The following NHSL1 variants were observed in gnomAD, a reference collection of about 807,000 sequenced individuals.
NHSL1 encodes NHS-like protein 1.
In NHSL1, 48 loss-of-function variants were observed where a neutral mutation model predicts 95.0. That is an observed-to-expected ratio of 0.51 (90% confidence interval 0.40 to 0.64). The LOEUF (loss-of-function observed/expected upper bound fraction) is 0.64, where lower values mean the gene tolerates loss of function less well. Among genes scored for constraint, NHSL1 ranks in the 30% least tolerant of loss-of-function variants. NHSL1 has a pLI of 0.00. For missense variants in NHSL1, 1,971 were observed against 2,077.7 expected, an observed-to-expected ratio of 0.95 and a Z score of 1.00; for synonymous variants, 783 against 833.9, an observed-to-expected ratio of 0.94 and a Z score of 1.05.
intron 5 of NHSL1, among the ~76,000 whole-genome samples, chr6:138,435,477 G>C (rs9402973): frequency 0.77 from 116,579 of 152,028 alleles, 44,838 homozygotes; most frequent in East Asian, 0.91. Context: ...TCACCCTCTA[G>C]AGCTAAGTAT....
intron 3 of NHSL1, among the ~76,000 whole-genome samples, chr6:138,469,173 G>A (rs1203906582): frequency 2.0e-5 from 3 of 152,074 alleles, no homozygotes; most frequent in Non-Finnish European, 4.4e-5. Flanking sequence ...TTGGACTCAG[G>A]GCAAATATTT....
intron 2 of NHSL1, among the ~76,000 whole-genome samples, chr6:138,482,098 C>A (rs1317869851): frequency 6.6e-6 from 1 of 152,160 alleles, no homozygotes; most frequent in Non-Finnish European, 1.5e-5. Flanking sequence ...AACTATCACC[C>A]TGGTGTCAGG....
At chr6:138,577,173 T>C (rs1177155447), upstream of NHSL1, among the ~76,000 whole-genome samples, 1 of 152,222 alleles carries the variant, frequency 6.6e-6, no homozygotes, top group Non-Finnish European at 1.5e-5. Flanking sequence ...GAGTTTATCA[T>C]AAATGAAAGT....
At chr6:138,559,985 T>A (rs1018543907) in intron 1 of NHSL1, among the ~76,000 whole-genome samples, 5 of 152,184 alleles carry the variant, frequency 3.3e-5, no homozygotes, top group African/African-American at 1.2e-4. Context: ...AAATAAACTA[T>A]AATTAAACTT....
At position 138,442,093 on chromosome 6, in the gene NHSL1, G is replaced by T; in HGVS notation, c.554C>A (p.Ala185Asp). The T allele has an allele frequency of 6.5e-7, 1 of 1,549,956 alleles. No homozygotes were observed. The highest frequency in any genetic ancestry group is 2.0e-5 in the Admixed American group (1 of 50,598). Reference sequence around the variant, plus strand: ...GTAAATTAGAGACCGCCGAAGGCTGGCCTGGCGATCGAAATTCTCCCCTAA... The same window carrying T: ...GTAAATTAGAGACCGCCGAAGGCTGTCCTGGCGATCGAAATTCTCCCCTAA... ...NITGENFDRQ[A>D]SLRRSLIYTD... The change falls in exon 5 of 8, where the codon GCC becomes GAC. Residue 185 changes from alanine to aspartate, a missense_variant. Around this residue, in one of 3 missense-constraint regions of NHSL1, gnomAD observed 1,602 missense variants for 1,654.5 expected, o/e 0.97. Coordinates refer to ENST00000343505, the MANE Select transcript of NHSL1 (RefSeq NM_001144060.2).
At chr6:138,649,064 G>C (rs1280400724) in intron 1 of NHSL1, among the ~76,000 whole-genome samples, 3 of 152,136 alleles carry the variant, frequency 2.0e-5, no homozygotes, top group Non-Finnish European at 4.4e-5. Context: ...GCTGAACAAG[G>C]GAAATGATAC....
At position 138,544,983 on chromosome 6, in the gene NHSL1, C is replaced by CTTT. The variant is rs35979187; in HGVS notation, c.16+637_16+639dup. ...GAACAAGAAGTATGTTCTTTCTTTT[C>CTTT]TTTTTTTTTTTTTTTTTTTTTTTTG... On this transcript the variant is annotated intron_variant, in intron 1 of 4. Transcript: ENST00000342260. 6.5e-3 allele frequency among the ~76,000 whole-genome samples: 541 copies of CTTT among 83,414 alleles called. 5 individuals carry two copies. Among genetic ancestry groups the CTTT allele is most frequent in the Middle Eastern group, 0.022 (2 of 90 alleles). 54.7% of individuals were successfully genotyped at this position (83,414 alleles called of 152,430 possible).
rs188983789 is a variant in NHSL1 at position 138,589,575 on chromosome 6, C to T, written c.97-93204G>A. Among the ~76,000 whole-genome samples the T allele has an allele frequency of 1.8e-3, 271 of 152,270 alleles. 1 individual carries two copies. Among genetic ancestry groups the T allele is most frequent in the Non-Finnish European group, 2.6e-4 (18 of 67,998 alleles). The stretch of plus-strand genomic sequence containing the variant: ...CAGCACACAGAGGGTTCAGTAGGGT[C>T]GCCTGTGACAGTCTCTCTACCTGTA... On this transcript the variant is annotated intron_variant, in intron 1 of 3. Coordinates refer to the NHSL1 transcript ENST00000491526.
intron 1 of NHSL1, among the ~76,000 whole-genome samples, chr6:138,534,226 A>T (rs1255695672): frequency 6.6e-6 from 1 of 152,222 alleles, no homozygotes. Flanking sequence ...TAGATTAAAT[A>T]TTAATATTTC....
At chr6:138,671,247 A>G (rs1785364601) in intron 1 of NHSL1, among the ~76,000 whole-genome samples, 1 of 152,070 alleles carries the variant, frequency 6.6e-6, no homozygotes, top group Non-Finnish European at 1.5e-5. Context: ...ACTTAAGGTC[A>G]GGAGTTCGAG....
intron 3 of NHSL1, among the ~76,000 whole-genome samples, chr6:138,471,867 A>C (rs1028536366): frequency 6.6e-6 from 1 of 152,204 alleles, no homozygotes; most frequent in African/African-American, 2.4e-5. Context: ...ATTATGACTT[A>C]TCAATTTAAA....
chr6:138,481,431 A>C (rs1264130237), intron 2 of NHSL1, among the ~76,000 whole-genome samples: 2 of 152,246 alleles, frequency 1.3e-5, no homozygotes, highest in East Asian at 3.8e-4. Context: ...TAGATTTTCC[A>C]TAAATTCTTC....
At chr6:138,650,208 G>A in intron 1 of NHSL1, 1 of 610,638 alleles carries the variant, frequency 1.6e-6, no homozygotes, top group Non-Finnish European at 3.2e-6. Flanking sequence ...GTGTTTTTTA[G>A]ATGATTCAGG....
rs1775066247 is a variant in NHSL1, at chr6:138,423,854, C to G, written c.*227G>C. On this transcript the variant is annotated 3_prime_UTR_variant, in exon 8 of 8. Transcript: ENST00000343505. ...AAAAAAAAAAATCTTCCCCGGGAAG[C>G]ACTTTCAGAAGTTTAAGCTTCTACT... 2.7e-6 allele frequency: 1 copy of G among 369,880 alleles called. No homozygotes were observed. The highest frequency in any genetic ancestry group is 4.7e-6 in the Non-Finnish European group (1 of 211,154). The allele number at this position is 369,880 out of a possible 1,614,324, so 22.9% of individuals were successfully genotyped here.
chr6:138,431,329 C>A lies in NHSL1; in HGVS notation c.3016G>T (p.Val1006Leu). ...ALSPILPDSP[V>L]SLPLPPPLLP... is the part of the protein sequence containing the mutation. ...AGAGGTGGGGGCAATGGCAAGGACACAGGTGAATCTGGAAGAATGGGGCTC... is the reference window on the plus strand; with the variant it reads ...AGAGGTGGGGGCAATGGCAAGGACAAAGGTGAATCTGGAAGAATGGGGCTC... The change falls in exon 6 of 8, where the codon GTG (valine) becomes TTG (leucine). Residue 1006 changes from valine (V) to leucine (L), a missense_variant. By Grantham distance (32) the Val-to-Leu change is conservative (BLOSUM62 1). This residue lies in a region of NHSL1 where 1,602 missense variants were observed against 1,654.5 expected (regional missense o/e 0.97). Transcript: ENST00000343505. The surrounding 1 kb of genome is among the most constrained non-coding windows in gnomAD (Gnocchi z 4.0). 1 of 1,521,008 alleles carries A rather than the reference C, an allele frequency of 6.6e-7. No individual in the cohort carries two copies. 94.2% of individuals were successfully genotyped at this position (1,521,008 alleles called of 1,614,324 possible). A position where few individuals can be genotyped will look rare whatever the true frequency, so the allele number is the denominator to read the frequency against.
chr6:138,529,010 C>A (rs1782025271), intron 1 of NHSL1, among the ~76,000 whole-genome samples: 1 of 152,166 alleles, frequency 6.6e-6, no homozygotes, highest in South Asian at 2.1e-4. Flanking sequence ...TGAGAATGAG[C>A]CTTTTATATT....
chr6:138,461,126 G>T (rs1777968682), intron 3 of NHSL1, among the ~76,000 whole-genome samples: 1 of 151,988 alleles, frequency 6.6e-6, no homozygotes, highest in African/African-American at 2.4e-5. Flanking sequence ...GTTTACTGAG[G>T]TGGTTTTGAA....
intron 2 of NHSL1, among the ~76,000 whole-genome samples, chr6:138,480,020 T>C (rs933910021): frequency 2.0e-5 from 3 of 152,222 alleles, no homozygotes; most frequent in African/African-American, 7.2e-5. Context: ...GGGATTGTTT[T>C]TCTATTTCCC....
chr6:138,633,487 A>G (rs1784848894), intron 1 of NHSL1, among the ~76,000 whole-genome samples: 1 of 152,234 alleles, frequency 6.6e-6, no homozygotes, highest in African/African-American at 2.4e-5. Context: ...CTGGCAGTGG[A>G]CTTTTCAGTG....
Sources: gnomAD v4.1 joint callset for allele counts (sites outside exome capture counted in the v4.1 genomes callset) on GRCh38, gnomAD v4.1.1 for gene constraint, gnomAD v4.1.1 regional missense constraint, Gnocchi (gnomAD v3.1) non-coding constraint, MANE v1.5 for transcripts, NCBI Gene and HGNC (gene_info 2026-07-23, HGNC 2026-07-21) for gene names.